PLB1: variants seen among roughly 807,000 people sequenced by gnomAD.
PLB1 encodes phospholipase B1, membrane-associated.
A neutral mutation model predicts 227.4 loss-of-function variants in PLB1; 242 were observed. The ratio of observed to expected loss-of-function variants is 1.06; its 90% CI spans 0.96 to 1.18. The LOEUF (loss-of-function observed/expected upper bound fraction) is 1.18, where lower values mean the gene tolerates loss of function less well. Among genes scored for constraint, PLB1 ranks in the 50% most tolerant of loss-of-function variants. The pLI is 0.00. For missense variants in PLB1, 1,858 were observed against 1,816.3 expected (o/e 1.02, Z -0.42); for synonymous variants, 757 against 682.2 (o/e 1.11, Z -1.71).
At chr2:28,632,239 ATCTC>A in intron 55 of PLB1, 99 bp downstream of exon 55, 2 of 911,502 alleles carry the variant, frequency 2.2e-6, no homozygotes, top group Non-Finnish European at 3.3e-6. Flanking sequence ...TTTTTTAACC[ATCTC>A]TCTCCAAGAG....
At chr2:28,597,032 G>A (rs1310950129) in intron 33 of PLB1, among the ~76,000 whole-genome samples, 1 of 152,184 alleles carries the variant, frequency 6.6e-6, no homozygotes, top group Non-Finnish European at 1.5e-5. Context: ...GGGAGGCTGA[G>A]GCGGGCGAAT....
chr2:28,606,089 G>A (rs1470676286), intron 42 of PLB1, 141 bp downstream of exon 42: 13 of 695,092 alleles, frequency 1.9e-5, no homozygotes, highest in Middle Eastern at 3.7e-4. Context: ...TTGGAAATGC[G>A]GAGTCCTTAA....
At chr2:28,629,025 G>A (rs1437745904) in intron 52 of PLB1, 69 bp from the exon 53 acceptor site, 7 of 1,332,236 alleles carry the variant, frequency 5.3e-6, no homozygotes, top group Admixed American at 2.0e-5. Context: ...GAATTGGATT[G>A]TAGATGACCC....
At chr2:28,596,219 A>G (rs901985876) in intron 33 of PLB1, among the ~76,000 whole-genome samples, 1 of 152,224 alleles carries the variant, frequency 6.6e-6, no homozygotes, top group African/African-American at 2.4e-5. Flanking sequence ...ATTGAGTGTA[A>G]CATAAATGAT....
chr2:28,518,486 C>T lies in PLB1; in HGVS notation c.138C>T (p.Phe46=). ...TGCAGACCCTGAAGAATTCTCCATT[C>T]CCATGCAACCCAAATAAATTAGGAG... is the stretch of plus-strand genomic sequence containing the variant. ...LWPETLKNSP[F]PCNPNKLGVN... Residue 46 remains phenylalanine, a synonymous_variant, in exon 3 of 58, where the codon TTC becomes TTT. Coordinates refer to ENST00000327757, the MANE Select transcript of PLB1 (RefSeq NM_153021.5). 3.1e-6 allele frequency: 5 copies of T among 1,612,808 alleles called. No individual in the cohort carries two copies. The highest frequency in any genetic ancestry group is 4.2e-6 in the Non-Finnish European group (5 of 1,178,770).
chr2:28,613,811 T>G (rs956299156), intron 43 of PLB1, among the ~76,000 whole-genome samples: 5 of 152,232 alleles, frequency 3.3e-5, no homozygotes, highest in African/African-American at 9.6e-5. Context: ...ACAATGGGTA[T>G]GAAACCCTCT....
At chr2:28,640,905 G>A in intron 56 of PLB1, 22 bp from the exon 57 acceptor site, 1 of 1,607,348 alleles carries the variant, frequency 6.2e-7, no homozygotes, top group Non-Finnish European at 8.5e-7. Flanking sequence ...AGAGAATCGA[G>A]GTGTCCTTTC....
Position 28,591,870 on chromosome 2 carries a change from G to A in PLB1, c.2188+110G>A. 3.6e-6 allele frequency: 4 copies of A among 1,111,386 alleles called. No homozygotes were observed. In the South Asian group the frequency reaches 5.2e-5, roughly 15 times the overall value. 68.8% of individuals were successfully genotyped at this position (1,111,386 alleles called of 1,614,324 possible). A position where few individuals can be genotyped will look rare whatever the true frequency, so the allele number is the denominator to read the frequency against. On this transcript the variant is annotated intron_variant, in intron 31 of 57. Coordinates refer to ENST00000327757, the MANE Select transcript of PLB1 (RefSeq NM_153021.5). Reference sequence around the variant, plus strand: ...TCACTAAATGGCACAGTGACGGCCAGTGCTTGCTGTCTGCCTGGGTGGTCA... The same window carrying A: ...TCACTAAATGGCACAGTGACGGCCAATGCTTGCTGTCTGCCTGGGTGGTCA...
chr2:28,604,870 A>G, intron 41 of PLB1, 111 bp downstream of exon 41: 1 of 989,138 alleles, frequency 1.0e-6, no homozygotes, highest in South Asian at 1.6e-5. Context: ...ACAGCTCTCC[A>G]GACGCTGTGC....
rs530908148 is a variant in PLB1, at chr2:28,585,596, C to G, written c.1734-165C>G. On this transcript the variant is annotated intron_variant, in intron 25 of 57. Transcript: ENST00000327757. ...CTGGCCTGGAAATCTTCTTTAGCTT[C>G]GTTTGGTATGGTCAGCAGGTCAGCC... The G allele has an allele frequency of 1.3e-5, 8 of 614,054 alleles. No homozygotes were observed. In the South Asian group the frequency reaches 1.6e-4, roughly 12 times the overall value. 38.0% of individuals were successfully genotyped at this position (614,054 alleles called of 1,614,324 possible). A position where few individuals can be genotyped will look rare whatever the true frequency, so the allele number is the denominator to read the frequency against.
chr2:28,525,397 C>G, intron 5 of PLB1, 90 bp downstream of exon 5: 1 of 1,415,546 alleles, frequency 7.1e-7, no homozygotes, highest in Non-Finnish European at 9.8e-7. Context: ...AGATTGGAGG[C>G]CAGGGAGGCT....
chr2:28,521,671 G>A (rs181968935), intron 4 of PLB1, among the ~76,000 whole-genome samples: 2 of 152,146 alleles, frequency 1.3e-5, no homozygotes, highest in Non-Finnish European at 2.9e-5. Flanking sequence ...CAGAGAAAGA[G>A]GGATCTGGAT....
intron 19 of PLB1, among the ~76,000 whole-genome samples, chr2:28,565,592 T>G (rs1368690966): frequency 6.6e-6 from 1 of 152,214 alleles, no homozygotes. Flanking sequence ...CATAAATGTT[T>G]GGGCTGGAAA....
At chr2:28,500,754 A>AT (rs1478822531) in intron 1 of PLB1, among the ~76,000 whole-genome samples, 1 of 149,004 alleles carries the variant, frequency 6.7e-6, no homozygotes, top group Non-Finnish European at 1.5e-5. Flanking sequence ...TCCAAAAAAA[A>AT]AGAAAAGAAA....
chr2:28,533,705 T>G (rs905398583), intron 9 of PLB1, among the ~76,000 whole-genome samples: 4 of 152,246 alleles, frequency 2.6e-5, no homozygotes, highest in African/African-American at 7.2e-5. Context: ...TAGCATATGA[T>G]TTTTTAAAAT....
At chr2:28,542,522 T>C (rs1259751123) in intron 13 of PLB1, among the ~76,000 whole-genome samples, 1 of 152,144 alleles carries the variant, frequency 6.6e-6, no homozygotes, top group Non-Finnish European at 1.5e-5. Flanking sequence ...TGGGGGGATG[T>C]AGAGTGGCAT....
chr2:28,551,229 C>T (rs1674196187), intron 16 of PLB1, among the ~76,000 whole-genome samples: 1 of 150,636 alleles, frequency 6.6e-6, no homozygotes, highest in Admixed American at 6.6e-5. Flanking sequence ...AGCTCGAAAG[C>T]CCTTGAGTGG....
intron 16 of PLB1, among the ~76,000 whole-genome samples, chr2:28,551,665 G>A (rs929655597): frequency 1.3e-5 from 2 of 152,172 alleles, no homozygotes; most frequent in Non-Finnish European, 2.9e-5. Flanking sequence ...TTTCACTTAT[G>A]GGCTCTGTGT....
At chr2:28,557,669 C>G (rs1445801078) in intron 17 of PLB1, among the ~76,000 whole-genome samples, 4 of 152,126 alleles carry the variant, frequency 2.6e-5, no homozygotes, top group Admixed American at 1.3e-4. Context: ...CTGTAGAAAT[C>G]GTGATGAGTT....
Sources: gnomAD v4.1 joint callset for allele counts (sites outside exome capture counted in the v4.1 genomes callset) on GRCh38, gnomAD v4.1.1 for gene constraint, MANE v1.5 for transcripts, NCBI Gene and HGNC (gene_info 2026-07-23, HGNC 2026-07-21) for gene names.